The following CD46 variants were observed in gnomAD, a reference collection of about 807,000 sequenced individuals.
CD46 encodes the protein membrane cofactor protein.
Under a neutral mutation model 53.3 loss-of-function variants are expected in CD46, and 30 were observed. The ratio of observed to expected loss-of-function variants is 0.56; its 90% CI spans 0.42 to 0.76. The LOEUF is 0.76. CD46 is among the 30% of genes least tolerant of loss of function. The pLI, the probability that CD46 is intolerant of heterozygous loss-of-function variation, is 0.00. For missense variants in CD46, 409 were observed against 463.0 expected, an observed-to-expected ratio of 0.88 and a Z score of 1.07; for synonymous variants, 142 against 152.0, an observed-to-expected ratio of 0.93 and a Z score of 0.48.
rs1655067813 is a variant in CD46 at position 207,752,782 on chromosome 1, C to T, written c.97+473C>T. Among the ~76,000 whole-genome samples, 1 of 152,182 alleles carries T rather than the reference C, an allele frequency of 6.6e-6. No individual in the cohort carries two copies. The highest frequency in any genetic ancestry group is 2.1e-4 in the South Asian group (1 of 4,828). ...ACCCGCGGTAAGGGTTGCAGTGCGT[C>T]TGCTGTGCCCCATGTGCTGGGCTGG... On this transcript the variant is annotated intron_variant, in intron 1 of 12. Coordinates refer to ENST00000367042, the MANE Select transcript of CD46 (RefSeq NM_172351.3). This position sits in a 1 kb window ranked among gnomAD's most constrained non-coding sequence, Gnocchi z 4.1.
At chr1:207,761,823 T>G (rs1656256068) in intron 5 of CD46, among the ~76,000 whole-genome samples, 1 of 152,068 alleles carries the variant, frequency 6.6e-6, no homozygotes, top group East Asian at 1.9e-4. Flanking sequence ...ACTAATCGTC[T>G]CACAAATAAA....
chr1:207,753,957 C>T (rs1558040740), intron 1 of CD46, among the ~76,000 whole-genome samples: 1 of 152,018 alleles, frequency 6.6e-6, no homozygotes, highest in Admixed American at 6.6e-5. Flanking sequence ...TTTCTTGATC[C>T]TTTTTTCACT....
At position 207,761,208 on chromosome 1, in the gene CD46, A is replaced by T. The variant is rs41258244; in HGVS notation, c.476-41A>T. 79,958 of 1,319,276 alleles carry T rather than the reference A, an allele frequency of 0.061. 2,816 individuals carry two copies. The highest frequency in any genetic ancestry group is 0.072 in the Non-Finnish European group (66,772 of 923,978). The allele number at this position is 1,319,276 out of a possible 1,614,324, so 81.7% of individuals were successfully genotyped here. On this transcript the variant is annotated intron_variant, in intron 4 of 12. Transcript: ENST00000367042. ...ACAGAAATTTTACTAATGCTGTCTTAATCTTTTACATTTCCTTTCCTCTTT... is the reference window on the plus strand; with the variant it reads ...ACAGAAATTTTACTAATGCTGTCTTTATCTTTTACATTTCCTTTCCTCTTT...
intron 3 of CD46, among the ~76,000 whole-genome samples, chr1:207,759,184 A>G (rs1655902042): frequency 6.6e-6 from 1 of 152,154 alleles, no homozygotes; most frequent in African/African-American, 2.4e-5. Flanking sequence ...TCCCCTTTTA[A>G]TCAATTAGGA....
chr1:207,757,781 T>C (rs1655731084), intron 3 of CD46, 139 bp downstream of exon 3: 1 of 685,796 alleles, frequency 1.5e-6, no homozygotes, highest in Non-Finnish European at 2.6e-6. Flanking sequence ...CTCTTGGATG[T>C]TTTATGGAGA....
At position 207,785,058 on chromosome 1, in the gene CD46, T is replaced by C; in HGVS notation, c.983-13T>C. Reference sequence around the variant, plus strand: ...CCATGTGTTCAACATCTTGGAACTGTTTTCTTTCTCAGATGTTTGGGTCAT... The same window carrying C: ...CCATGTGTTCAACATCTTGGAACTGCTTTCTTTCTCAGATGTTTGGGTCAT... On this transcript the variant is annotated splice_polypyrimidine_tract_variant and intron_variant, in intron 9 of 12. Transcript: ENST00000367042. The C allele has an allele frequency of 6.2e-7, 1 of 1,610,236 alleles. No homozygotes were observed. Among genetic ancestry groups the C allele is most frequent in the Non-Finnish European group, 8.5e-7 (1 of 1,176,696 alleles).
In CD46 at chr1:207,757,027, G is replaced by C. The variant is rs1387387362; in HGVS notation, c.111G>C (p.Glu37Asp). ...LLYSFSDACE[E>D]PPTFEAMELI... ...TCTTATCCCTAGATGCCTGTGAGGA[G>C]CCACCAACATTTGAAGCTATGGAGC... Residue 37 changes from glutamate to aspartate, a missense_variant, in exon 2 of 13, where the codon GAG becomes GAC. Coordinates refer to ENST00000367042, the MANE Select transcript of CD46 (RefSeq NM_172351.3). The C allele has an allele frequency of 1.9e-6, 3 of 1,613,808 alleles. No individual in the cohort carries two copies. The highest frequency in any genetic ancestry group is 4.5e-5 in the East Asian group (2 of 44,868).
At chr1:207,763,305 T>C in intron 5 of CD46, 1 of 152,516 alleles carries the variant, frequency 6.6e-6, no homozygotes, top group Non-Finnish European at 1.5e-5. Context: ...GAGTACGGGA[T>C]CCAGCTAAGG....
intron 7 of CD46, chr1:207,768,539 C>T (rs1277709801): frequency 6.6e-6 from 1 of 151,860 alleles, no homozygotes; most frequent in Non-Finnish European, 1.5e-5. Context: ...TTTTTTTTCT[C>T]TTTAGTGGGC....
intron 8 of CD46, among the ~76,000 whole-genome samples, chr1:207,775,611 C>G (rs1658008699): frequency 6.6e-6 from 1 of 152,206 alleles, no homozygotes; most frequent in Admixed American, 6.5e-5. Flanking sequence ...TTCCAACAGT[C>G]AGACCCCTCA....
chr1:207,755,481 A>T (rs138459609), intron 1 of CD46, among the ~76,000 whole-genome samples: 2 of 152,328 alleles, frequency 1.3e-5, no homozygotes, highest in East Asian at 3.9e-4. Flanking sequence ...CTGCCCTCTC[A>T]AAGGTAGTTG....
In CD46 at chr1:207,757,601, T is replaced by A. The variant is rs757676022; in HGVS notation, c.348T>A (p.Thr116=). 6.2e-7 allele frequency: 1 copy of A among 1,611,834 alleles called. No individual in the cohort carries two copies. The highest frequency in any genetic ancestry group is 1.7e-4 in the Middle Eastern group (1 of 6,052). Residue 116 remains threonine (T), a synonymous_variant, in exon 3 of 13, where the codon ACT becomes ACA. Coordinates refer to ENST00000367042, the MANE Select transcript of CD46 (RefSeq NM_172351.3). ...LNGQAVPANG[T]YEFGYQMHFI... ...GCCAAGCAGTCCCTGCAAATGGGAC[T>A]TACGAGTTTGGTTATCAGATGCACT...
At chr1:207,762,177 G>T (rs1490138922) in intron 5 of CD46, among the ~76,000 whole-genome samples, 3 of 152,156 alleles carry the variant, frequency 2.0e-5, no homozygotes, top group Admixed American at 1.3e-4. Context: ...ATGCATAAAA[G>T]AAGTAGTCAG....
chr1:207,759,602 G>C (rs1365777355), intron 3 of CD46, 37 bp from the exon 4 acceptor site: 17 of 1,089,876 alleles, frequency 1.6e-5, no homozygotes, highest in Non-Finnish European at 2.1e-5. Context: ...CTTATTAATT[G>C]CTATACAAAA....
chr1:207,771,283 A>T (rs956253508), intron 8 of CD46, among the ~76,000 whole-genome samples: 2 of 152,000 alleles, frequency 1.3e-5, no homozygotes, highest in African/African-American at 4.8e-5. Flanking sequence ...TTCTTTGTAG[A>T]TTCTGGATAT....
chr1:207,767,608 G>A, intron 6 of CD46, 171 bp from the exon 7 acceptor site: 2 of 1,611,818 alleles, frequency 1.2e-6, no homozygotes, highest in Non-Finnish European at 1.7e-6. Flanking sequence ...GTTTCCTAGT[G>A]CTGCCTCCAT....
At position 207,761,264 on chromosome 1, in the gene CD46, C is replaced by G. The variant is rs746757476; in HGVS notation, c.491C>G (p.Pro164Arg). The G allele has an allele frequency of 6.2e-7, 1 of 1,606,916 alleles. No homozygotes were observed. ...PPICEKVLCTPPPKIKNGKHT... is the reference protein window; with the variant it reads ...PPICEKVLCTRPPKIKNGKHT... ...CATTTTTAAGAGGTTTTGTGTACAC[C>G]ACCTCCAAAAATAAAAAATGGAAAA... Residue 164 changes from proline to arginine, a missense_variant, in exon 5 of 13, where the codon CCA becomes CGA. Coordinates refer to ENST00000367042, the MANE Select transcript of CD46 (RefSeq NM_172351.3).
chr1:207,752,561 A>G lies in CD46; in HGVS notation c.97+252A>G, dbSNP rs758626012. Among the ~76,000 whole-genome samples the G allele has an allele frequency of 2.0e-5, 3 of 152,058 alleles. No individual in the cohort carries two copies. Among genetic ancestry groups the G allele is most frequent in the Admixed American group, 1.3e-4 (2 of 15,278 alleles). On this transcript the variant is annotated intron_variant, in intron 1 of 12. Transcript: ENST00000367042. The surrounding 1 kb of genome is among the most constrained non-coding windows in gnomAD (Gnocchi z 4.1). ...GCAGGATCTGGCTGCGTCCCTAAAA[A>G]AAGCGTGAATCGTGTTTTCGGGATT...
At chr1:207,781,707 A>T (rs1359164416) in intron 8 of CD46, among the ~76,000 whole-genome samples, 1 of 151,454 alleles carries the variant, frequency 6.6e-6, no homozygotes, top group Non-Finnish European at 1.5e-5. Flanking sequence ...GTTCCTTGTC[A>T]CGCTTGTTGA....
Sources: allele counts gnomAD v4.1 joint callset (sites outside exome capture counted in the v4.1 genomes callset), GRCh38; gene constraint gnomAD v4.1.1; non-coding constraint Gnocchi (gnomAD v3.1); transcripts MANE v1.5; gene names NCBI Gene and HGNC (gene_info 2026-07-23, HGNC 2026-07-21).